NT5C3A: variants seen among roughly 807,000 people sequenced by gnomAD.
The protein encoded by NT5C3A is 5'-nucleotidase, cytosolic IIIA, also known as cytosolic 5'-nucleotidase 3A.
A neutral mutation model predicts 40.0 loss-of-function variants in NT5C3A; 23 were observed. The ratio of observed to expected loss-of-function variants is 0.58; its 90% CI spans 0.41 to 0.81. The LOEUF (loss-of-function observed/expected upper bound fraction) is 0.81, where lower values mean the gene tolerates loss of function less well. Among genes scored for constraint, NT5C3A ranks in the 40% least tolerant of loss-of-function variants. The pLI, the probability that NT5C3A is intolerant of heterozygous loss-of-function variation, is 0.00. For missense variants in NT5C3A, 328 were observed against 403.0 expected (o/e 0.81, Z 1.59); for synonymous variants, 130 against 141.4 (o/e 0.92, Z 0.57).
intron 6 of NT5C3A, among the ~76,000 whole-genome samples, chr7:33,019,134 A>T (rs2127994546): frequency 6.6e-6 from 1 of 152,176 alleles, no homozygotes; most frequent in East Asian, 1.9e-4. Flanking sequence ...GCATGACTGT[A>T]GTCCCAGCTA....
Position 33,062,563 on chromosome 7 carries a change from C to T in NT5C3A, c.138+5G>A, listed in dbSNP as rs756667436. 4 of 1,609,792 alleles carry T rather than the reference C, an allele frequency of 2.5e-6. No homozygotes were observed. The highest frequency in any genetic ancestry group is 2.2e-5 in the East Asian group (1 of 44,752). ...GCTCTGGGCGCGCCGAGCCTCCACA[C>T]TCACCATCTCGATGATCTTGGTCTT... On this transcript the variant is annotated splice_donor_5th_base_variant and intron_variant, in intron 1 of 8. Coordinates refer to ENST00000610140, the MANE Select transcript of NT5C3A (RefSeq NM_001002010.5).
chr7:33,015,799 T>C lies in NT5C3A; in HGVS notation c.765A>G (p.Thr255=). 1 of 1,610,650 alleles carries C rather than the reference T, an allele frequency of 6.2e-7. No individual in the cohort carries two copies. Among genetic ancestry groups the C allele is most frequent in the East Asian group, 2.2e-5 (1 of 44,850 alleles). ...TGTCTTTTAGTTGATTGAAATATTC[T>C]GTATTCCTCAAGGCACCATCATGTT... ...FNKHDGALRN[T]EYFNQLKDNS... Residue 255 remains threonine, a synonymous_variant, in exon 8 of 9, where the codon ACA becomes ACG. Transcript: ENST00000610140.
rs770297925 is a variant in NT5C3A at position 33,035,890 on chromosome 7, G to A, written c.139-8975C>T. On this transcript the variant is annotated intron_variant, in intron 1 of 8. Coordinates refer to ENST00000610140, the MANE Select transcript of NT5C3A (RefSeq NM_001002010.5). ...TAGAGACAGAGGTAAAAGTGGTGAA[G>A]ATTTACCATTAATAAATGGAACTGG... The A allele has an allele frequency of 1.4e-5, 21 of 1,492,006 alleles. No individual in the cohort carries two copies. The Admixed American group carries it at 3.5e-4, about 25-fold the overall frequency. The allele number at this position is 1,492,006 out of a possible 1,614,324, so 92.4% of individuals were successfully genotyped here.
rs1335616236 is a variant in NT5C3A, at chr7:33,021,247, C to T, written c.440+25G>A. ...GTTGTTTTATTATTTTTTTTTAATC[C>T]TCCTACTGCCTAATATACACTTACC... On this transcript the variant is annotated intron_variant, in intron 5 of 8. Transcript: ENST00000610140. The T allele has an allele frequency of 3.7e-6, 6 of 1,605,998 alleles. No individual in the cohort carries two copies. In the Admixed American group the frequency reaches 8.4e-5, roughly 23 times the overall value.
chr7:33,028,871 T>C (rs1187528774), intron 1 of NT5C3A, among the ~76,000 whole-genome samples: 4 of 152,106 alleles, frequency 2.6e-5, no homozygotes, highest in African/African-American at 7.2e-5. Flanking sequence ...CTGGCTAACA[T>C]GGTGAAATAC....
chr7:33,037,008 C>T (rs942240545), intron 1 of NT5C3A, among the ~76,000 whole-genome samples: 1 of 152,102 alleles, frequency 6.6e-6, no homozygotes, highest in Non-Finnish European at 1.5e-5. Flanking sequence ...GATGGGGTTT[C>T]ACCATGTTGG....
Position 33,017,515 on chromosome 7 carries a change from T to G in NT5C3A, c.617A>C (p.Glu206Ala), listed in dbSNP as rs772050571. Residue 206 changes from glutamate (E) to alanine (A), a missense_variant, in exon 7 of 9, where the codon GAG becomes GCG. By Grantham distance (107) the Glu-to-Ala change is moderately radical. This residue lies in a region of NT5C3A where 280 missense variants were observed against 317.2 expected (regional missense o/e 0.88). Coordinates refer to ENST00000610140, the MANE Select transcript of NT5C3A (RefSeq NM_001002010.5). ...IFSAGIGDVL[E>A]EVIRQAGVYH... ...AACACCAGCTTGACGAATAACTTCC[T>G]CTAGTACATCGCCGATTCCAGCCGA... 2 of 1,613,550 alleles carry G rather than the reference T, an allele frequency of 1.2e-6. No homozygotes were observed. Among genetic ancestry groups the G allele is most frequent in the South Asian group, 2.2e-5 (2 of 91,072 alleles).
At chr7:33,053,887 GA>G (rs1484148289) in intron 1 of NT5C3A, among the ~76,000 whole-genome samples, 2 of 152,104 alleles carry the variant, frequency 1.3e-5, no homozygotes, top group East Asian at 3.9e-4. Flanking sequence ...CACTAGATAA[GA>G]GAACAACTTT....
intron 5 of NT5C3A, among the ~76,000 whole-genome samples, chr7:33,020,775 A>T (rs1366852678): frequency 9.8e-5 from 14 of 142,474 alleles, no homozygotes; most frequent in South Asian, 2.2e-4. Context: ...GTCATGATCT[A>T]TTTTTTTTTT....
intron 1 of NT5C3A, among the ~76,000 whole-genome samples, chr7:33,043,531 C>A (rs1209702081): frequency 6.6e-6 from 1 of 152,164 alleles, no homozygotes; most frequent in Admixed American, 6.5e-5. Flanking sequence ...GACACAGAAG[C>A]AAGGAATCCA....
rs771955979 is a variant in NT5C3A at position 33,035,948 on chromosome 7, C to T, written c.139-9033G>A. The stretch of plus-strand genomic sequence containing the variant: ...CAAATACCCACCATTTTCACATGTA[C>T]GGCAGACTCTTGATTAGTCATTTCT... On this transcript the variant is annotated intron_variant, in intron 1 of 8. Coordinates refer to ENST00000610140, the MANE Select transcript of NT5C3A (RefSeq NM_001002010.5). 6.8e-6 allele frequency: 11 copies of T among 1,612,810 alleles called. No homozygotes were observed. The South Asian group carries it at 7.7e-5, about 11-fold the overall frequency.
At chr7:33,031,482 G>C (rs1786253446) in intron 1 of NT5C3A, among the ~76,000 whole-genome samples, 1 of 152,024 alleles carries the variant, frequency 6.6e-6, no homozygotes, top group African/African-American at 2.4e-5. Flanking sequence ...CAGATACTCG[G>C]AGGCTAAGGT....
chr7:33,054,089 C>CTTAT (rs1787477362), intron 1 of NT5C3A, among the ~76,000 whole-genome samples: 1 of 151,938 alleles, frequency 6.6e-6, no homozygotes, highest in South Asian at 2.1e-4. Context: ...GGCATGGTGG[C>CTTAT]ACATGTCTGT....
In NT5C3A at chr7:33,014,701, G is replaced by C; in HGVS notation, c.*29C>G. The C allele has an allele frequency of 6.2e-7, 1 of 1,609,226 alleles. No homozygotes were observed. Among genetic ancestry groups the C allele is most frequent in the Non-Finnish European group, 8.5e-7 (1 of 1,178,124 alleles). On this transcript the variant is annotated 3_prime_UTR_variant, in exon 9 of 9. Coordinates refer to ENST00000610140, the MANE Select transcript of NT5C3A (RefSeq NM_001002010.5). The stretch of plus-strand genomic sequence containing the variant: ...GATGAACAGTTCAATTGCACCCACA[G>C]GAGAGAGGTCTTCTTGGAGAATGCT...
intron 2 of NT5C3A, among the ~76,000 whole-genome samples, chr7:33,025,530 G>A (rs914583588): frequency 2.6e-5 from 4 of 152,048 alleles, no homozygotes; most frequent in African/African-American, 7.2e-5. Context: ...CTTTAAAACA[G>A]AGACAACTTT....
chr7:33,017,344 G>A, intron 7 of NT5C3A, 95 bp downstream of exon 7: 1 of 988,664 alleles, frequency 1.0e-6, no homozygotes, highest in Non-Finnish European at 1.5e-6. Context: ...CCTAATTTCT[G>A]GATATAGGAT....
In NT5C3A at chr7:33,019,682, T is replaced by C; in HGVS notation, c.483A>G (p.Pro161=). 6.2e-7 allele frequency: 1 copy of C among 1,610,408 alleles called. No individual in the cohort carries two copies. Among genetic ancestry groups the C allele is most frequent in the Non-Finnish European group, 8.5e-7 (1 of 1,177,864 alleles). Residue 161 remains proline (P), a synonymous_variant, in exon 6 of 9, where the codon CCA becomes CCG. Coordinates refer to ENST00000610140, the MANE Select transcript of NT5C3A (RefSeq NM_001002010.5). The part of the protein sequence containing the change: ...SHGLLVQQAL[P]KAKLKEIVAE... ...CCACAATTTCTTTAAGTTTAGCTTT[T>C]GGTAAAGCTTGCTGAACAAGCAAAC...
At chr7:33,050,320 T>C (rs1046614922) in intron 1 of NT5C3A, among the ~76,000 whole-genome samples, 1 of 152,190 alleles carries the variant, frequency 6.6e-6, no homozygotes, top group Non-Finnish European at 1.5e-5. Context: ...CAGTGAAGCC[T>C]CCTTTTTTCT....
intron 1 of NT5C3A, among the ~76,000 whole-genome samples, chr7:33,046,792 T>C (rs571320467): frequency 6.6e-6 from 1 of 151,384 alleles, no homozygotes; most frequent in South Asian, 2.1e-4. Context: ...TATTTCAAGA[T>C]GCTTAGCACT....
Sources: allele counts gnomAD v4.1 joint callset (sites outside exome capture counted in the v4.1 genomes callset), GRCh38; gene constraint gnomAD v4.1.1; regional missense constraint gnomAD v4.1.1; transcripts MANE v1.5; gene names NCBI Gene and HGNC (gene_info 2026-07-23, HGNC 2026-07-21).